CDH10: variants seen among roughly 807,000 people sequenced by gnomAD.
CDH10 encodes cadherin-10.
In CDH10, 30 loss-of-function variants were observed where a neutral mutation model predicts 73.1. That is an observed-to-expected ratio of 0.41 (90% CI 0.31 to 0.56). The LOEUF (loss-of-function observed/expected upper bound fraction) is 0.56, where lower values mean the gene tolerates loss of function less well. Among genes scored for constraint, CDH10 ranks in the 20% least tolerant of loss-of-function variants. The pLI is 0.27. For synonymous variants in CDH10, 345 were observed against 348.2 expected, an observed-to-expected ratio of 0.99 and a Z score of 0.10; for missense variants, 815 against 973.7, an observed-to-expected ratio of 0.84 and a Z score of 2.17.
chr5:24,504,963 G>A, intron 8 of CDH10, 149 bp downstream of exon 8: 1 of 614,538 alleles, frequency 1.6e-6, no homozygotes, highest in Admixed American at 3.1e-5. Context: ...GAAAAAAAGT[G>A]TAAGTGCTGA....
intron 2 of CDH10, among the ~76,000 whole-genome samples, chr5:24,589,691 A>G (rs1419235378): frequency 6.6e-6 from 1 of 152,128 alleles, no homozygotes; most frequent in Non-Finnish European, 1.5e-5. Context: ...ACAGTTTAAT[A>G]TCATTATTTA....
At chr5:24,570,435 G>C (rs958518216) in intron 2 of CDH10, among the ~76,000 whole-genome samples, 1 of 152,088 alleles carries the variant, frequency 6.6e-6, no homozygotes, top group African/African-American at 2.4e-5. Flanking sequence ...GGCCATTTCA[G>C]TTCAAAGAGG....
intron 2 of CDH10, among the ~76,000 whole-genome samples, chr5:24,585,729 A>G (rs1392506121): frequency 6.6e-6 from 1 of 152,182 alleles, no homozygotes; most frequent in Non-Finnish European, 1.5e-5. Context: ...CAGCCCAAAC[A>G]TACTTTTTCT....
At chr5:24,492,371 T>G (rs1742090292) in intron 10 of CDH10, among the ~76,000 whole-genome samples, 1 of 152,310 alleles carries the variant, frequency 6.6e-6, no homozygotes, top group Admixed American at 6.5e-5. Context: ...CAACAGTACC[T>G]TTGTAACAAT....
intron 9 of CDH10, among the ~76,000 whole-genome samples, chr5:24,496,816 C>T (rs1462338569): frequency 2.0e-5 from 3 of 152,112 alleles, no homozygotes; most frequent in African/African-American, 4.8e-5. Context: ...ATTTTGCCTG[C>T]TAGGATGTCA....
At chr5:24,638,280 A>G (rs1747932352) in intron 1 of CDH10, among the ~76,000 whole-genome samples, 2 of 151,660 alleles carry the variant, frequency 1.3e-5, no homozygotes, top group Admixed American at 6.6e-5. Context: ...ATTAGGATAT[A>G]TATTTTAAAA....
At chr5:24,529,133 T>C (rs1373487284) in intron 5 of CDH10, among the ~76,000 whole-genome samples, 7 of 152,034 alleles carry the variant, frequency 4.6e-5, no homozygotes, top group African/African-American at 1.7e-4. Flanking sequence ...ATTTTTACAC[T>C]GTTGCTGTTT....
chr5:24,530,118 T>G (rs1743680922), intron 5 of CDH10, among the ~76,000 whole-genome samples: 1 of 150,228 alleles, frequency 6.7e-6, no homozygotes, highest in Non-Finnish European at 1.5e-5. Context: ...ACTCTTTATC[T>G]CTAGGTCTTG....
intron 5 of CDH10, among the ~76,000 whole-genome samples, chr5:24,525,074 A>G (rs1194074353): frequency 1.3e-5 from 2 of 152,076 alleles, no homozygotes; most frequent in East Asian, 3.9e-4. Context: ...GAAAGATATA[A>G]TAGGTGATTT....
At chr5:24,515,680 C>A in intron 5 of CDH10, among the ~76,000 whole-genome samples, 1 of 152,196 alleles carries the variant, frequency 6.6e-6, no homozygotes, top group Non-Finnish European at 1.5e-5. Context: ...TCTCCTCACT[C>A]TCCTGCAATC....
chr5:24,535,373 T>G (rs1743914517), intron 4 of CDH10, 94 bp from the exon 5 acceptor site: 1 of 1,180,454 alleles, frequency 8.5e-7, no homozygotes, highest in Admixed American at 2.5e-5. Context: ...GCTAGTGATT[T>G]TTTTGAAAGA....
At chr5:24,498,902 A>C (rs539910248) in intron 8 of CDH10, among the ~76,000 whole-genome samples, 1 of 152,226 alleles carries the variant, frequency 6.6e-6, no homozygotes, top group Non-Finnish European at 1.5e-5. Flanking sequence ...ATGAAGAAAT[A>C]GTTTTTTTTG....
intron 2 of CDH10, among the ~76,000 whole-genome samples, chr5:24,557,821 A>C: frequency 6.6e-6 from 1 of 151,810 alleles, no homozygotes; most frequent in East Asian, 1.9e-4. Flanking sequence ...ATAGTCACTA[A>C]AGAAAATAAG....
chr5:24,576,681 A>G (rs1450689626), intron 2 of CDH10, among the ~76,000 whole-genome samples: 1 of 152,130 alleles, frequency 6.6e-6, no homozygotes, highest in Non-Finnish European at 1.5e-5. Flanking sequence ...AAATTACTAA[A>G]TAAATAAATG....
chr5:24,629,507 G>C (rs1747630639), intron 1 of CDH10, among the ~76,000 whole-genome samples: 1 of 152,076 alleles, frequency 6.6e-6, no homozygotes, highest in Non-Finnish European at 1.5e-5. Flanking sequence ...AAAGATAATT[G>C]CTTTAGCTTA....
intron 1 of CDH10, among the ~76,000 whole-genome samples, chr5:24,617,412 T>C (rs915888495): frequency 4.6e-5 from 7 of 152,122 alleles, no homozygotes; most frequent in African/African-American, 1.7e-4. Flanking sequence ...AAACAAAATG[T>C]AGAAGTAGGA....
intron 2 of CDH10, among the ~76,000 whole-genome samples, chr5:24,577,365 C>T (rs1016946477): frequency 6.6e-6 from 1 of 152,048 alleles, no homozygotes; most frequent in East Asian, 1.9e-4. Flanking sequence ...TTTCTACAAA[C>T]CTGAAAGTAT....
intron 11 of CDH10, among the ~76,000 whole-genome samples, chr5:24,489,473 G>T (rs938840326): frequency 6.6e-6 from 1 of 151,940 alleles, no homozygotes; most frequent in African/African-American, 2.4e-5. Context: ...ATTTTATTTT[G>T]CCTAAATTCA....
chr5:24,596,655 T>C (rs1187907981), intron 1 of CDH10, among the ~76,000 whole-genome samples: 1 of 151,974 alleles, frequency 6.6e-6, no homozygotes, highest in Non-Finnish European at 1.5e-5. Context: ...TTTTGTAATA[T>C]TTCTAGTTGT....
Sources: allele counts gnomAD v4.1 joint callset (sites outside exome capture counted in the v4.1 genomes callset), GRCh38; gene constraint gnomAD v4.1.1; transcripts MANE v1.5; gene names NCBI Gene and HGNC (gene_info 2026-07-23, HGNC 2026-07-21).